Variants in VPS13B observed in about 807,000 individuals in gnomAD.
VPS13B encodes the protein vacuolar protein sorting 13 homolog B, also known as intermembrane lipid transfer protein VPS13B.
Under a neutral mutation model 426.4 loss-of-function variants are expected in VPS13B, and 285 were observed. The observed-to-expected ratio is 0.67, with a 90% CI of 0.61 to 0.74. The LOEUF (loss-of-function observed/expected upper bound fraction) is 0.74. Among genes scored for constraint, VPS13B ranks in the 30% least tolerant of loss-of-function variants. The pLI is 0.00. For missense variants in VPS13B, 4,537 were observed against 4,782.6 expected (o/e 0.95, Z 1.51); for synonymous variants, 1,676 against 1,676.4 (o/e 1.00, Z 0.01).
intron 33 of VPS13B, among the ~76,000 whole-genome samples, chr8:99,627,134 G>T (rs1411142055): frequency 1.3e-5 from 2 of 152,056 alleles, no homozygotes; most frequent in Non-Finnish European, 2.9e-5. Context: ...AGGGGATGGG[G>T]AGTTGTTGAT....
intron 25 of VPS13B, among the ~76,000 whole-genome samples, chr8:99,498,533 T>TA (rs534774382): frequency 2.0e-5 from 3 of 148,196 alleles, no homozygotes; most frequent in Admixed American, 6.7e-5. Flanking sequence ...AGTATAATAA[T>TA]AAAAAAAACA....
chr8:99,742,564 C>T (rs1809801842), intron 39 of VPS13B, among the ~76,000 whole-genome samples: 1 of 152,056 alleles, frequency 6.6e-6, no homozygotes, highest in African/African-American at 2.4e-5. Flanking sequence ...AACATTGATG[C>T]AAAAATCCTC....
intron 33 of VPS13B, among the ~76,000 whole-genome samples, chr8:99,600,769 A>C (rs1827253349): frequency 6.6e-6 from 1 of 152,138 alleles, no homozygotes; most frequent in South Asian, 2.1e-4. Context: ...CAGCTGTTCC[A>C]AATTGGATAA....
intron 54 of VPS13B, among the ~76,000 whole-genome samples, chr8:99,836,866 A>G (rs977727613): frequency 6.6e-6 from 1 of 152,202 alleles, no homozygotes; most frequent in African/African-American, 2.4e-5. Context: ...GTTAGTGACT[A>G]TCATCTCCAC....
intron 33 of VPS13B, among the ~76,000 whole-genome samples, chr8:99,595,205 A>G (rs112440362): frequency 0.029 from 4,359 of 151,978 alleles, 87 homozygotes; most frequent in Non-Finnish European, 0.041. Context: ...AAAATGTTAA[A>G]CTTTCATTAA....
intron 17 of VPS13B, among the ~76,000 whole-genome samples, chr8:99,206,250 C>T (rs1410489421): frequency 6.6e-6 from 1 of 152,118 alleles, no homozygotes; most frequent in Non-Finnish European, 1.5e-5. Context: ...AACTTACAGA[C>T]TTTAAAATCT....
rs1479023094 is a variant in VPS13B at position 99,013,327 on chromosome 8, G to T, written c.-50G>T. ...GTGCCAGGGACTTGGAGGTGGAGGG[G>T]ACGCGGCGGTACTCTGGCGTGTGAG... On this transcript the variant is annotated 5_prime_UTR_variant, in exon 1 of 62. Coordinates refer to ENST00000357162, the MANE Select transcript of VPS13B (RefSeq NM_152564.5). 2.0e-5 allele frequency: 5 copies of T among 248,082 alleles called. No homozygotes were observed. The highest frequency in any genetic ancestry group is 1.1e-4 in the African/African-American group (5 of 44,394). 15.4% of individuals were successfully genotyped at this position (248,082 alleles called of 1,614,324 possible). A position where few individuals can be genotyped will look rare whatever the true frequency, so the allele number is the denominator to read the frequency against.
At chr8:99,394,248 C>T (rs896974868) in intron 21 of VPS13B, among the ~76,000 whole-genome samples, 2 of 152,048 alleles carry the variant, frequency 1.3e-5, no homozygotes, top group African/African-American at 4.8e-5. Context: ...TCATCACAGC[C>T]TATGGTCCAA....
intron 21 of VPS13B, among the ~76,000 whole-genome samples, chr8:99,427,407 G>T (rs1816782098): frequency 6.8e-6 from 1 of 146,386 alleles, no homozygotes; most frequent in Non-Finnish European, 1.5e-5. Flanking sequence ...GCTCTTTTTT[G>T]GTTCCATATG....
chr8:99,082,894 C>G (rs529214740), intron 3 of VPS13B, among the ~76,000 whole-genome samples: 90 of 152,166 alleles, frequency 5.9e-4, no homozygotes, highest in Middle Eastern at 3.4e-3. Flanking sequence ...GTCAGGTAGC[C>G]TGATGCCTCC....
intron 4 of VPS13B, among the ~76,000 whole-genome samples, chr8:99,102,727 CT>C (rs917066540): frequency 1.3e-4 from 20 of 152,212 alleles, no homozygotes; most frequent in Non-Finnish European, 2.6e-4. Flanking sequence ...TATATGAATA[CT>C]TCACTATAGA....
chr8:99,042,639 A>G lies in VPS13B; in HGVS notation c.291+4073A>G, dbSNP rs886936127. Among the ~76,000 whole-genome samples the G allele has an allele frequency of 6.6e-5, 10 of 152,258 alleles. No homozygotes were observed. The South Asian group carries it at 2.1e-3, about 32-fold the overall frequency. On this transcript the variant is annotated intron_variant, in intron 3 of 61. Coordinates refer to ENST00000357162, the MANE Select transcript of VPS13B (RefSeq NM_152564.5). ...AAACATTTTAAGTCAGATACCAGTA[A>G]GCCACTTTTTGTTTGTTTTGTTTCT...
At chr8:99,781,084 T>C (rs1289299234) in intron 42 of VPS13B, among the ~76,000 whole-genome samples, 2 of 152,198 alleles carry the variant, frequency 1.3e-5, no homozygotes, top group African/African-American at 4.8e-5. Flanking sequence ...CCAGTGTGGA[T>C]GGACCAGACA....
chr8:99,677,805 G>A (rs980564720), intron 35 of VPS13B, among the ~76,000 whole-genome samples: 2 of 152,170 alleles, frequency 1.3e-5, no homozygotes, highest in Admixed American at 1.3e-4. Flanking sequence ...AAAAGAGTGA[G>A]AGTAATTGGG....
intron 35 of VPS13B, among the ~76,000 whole-genome samples, chr8:99,673,869 A>C (rs1830818029): frequency 6.6e-6 from 1 of 152,060 alleles, no homozygotes; most frequent in African/African-American, 2.4e-5. Flanking sequence ...TTCATTGATC[A>C]TTCAGGAGCA....
intron 43 of VPS13B, chr8:99,799,302 A>G (rs1057212625): frequency 7.9e-5 from 12 of 152,234 alleles, no homozygotes; most frequent in African/African-American, 2.2e-4. Flanking sequence ...GAAATAATCC[A>G]TACTTCTGGA....
intron 33 of VPS13B, among the ~76,000 whole-genome samples, chr8:99,585,254 G>A (rs1245287232): frequency 1.3e-5 from 2 of 152,154 alleles, no homozygotes; most frequent in Non-Finnish European, 2.9e-5. Flanking sequence ...ATTTTATCAC[G>A]AGCAGTTGGG....
At chr8:99,095,395 C>A (rs547302131) in intron 3 of VPS13B, among the ~76,000 whole-genome samples, 1 of 152,158 alleles carries the variant, frequency 6.6e-6, no homozygotes, top group South Asian at 2.1e-4. Flanking sequence ...GCTTATGGTT[C>A]CTCCCACCAC....
At chr8:99,505,586 C>G (rs1434862830) in intron 27 of VPS13B, among the ~76,000 whole-genome samples, 1 of 152,060 alleles carries the variant, frequency 6.6e-6, no homozygotes, top group Non-Finnish European at 1.5e-5. Flanking sequence ...CATCACTGTT[C>G]ATGATGTCCT....
Sources: gnomAD v4.1 joint callset for allele counts (sites outside exome capture counted in the v4.1 genomes callset) on GRCh38, gnomAD v4.1.1 for gene constraint, MANE v1.5 for transcripts, NCBI Gene and HGNC (gene_info 2026-07-23, HGNC 2026-07-21) for gene names.